Variants in TBC1D22A observed in about 807,000 individuals in gnomAD.
TBC1D22A encodes TBC1 domain family member 22A, also known as putative GTPase activator.
In TBC1D22A, 38 loss-of-function variants were observed where a neutral mutation model predicts 60.2. That is an observed-to-expected ratio of 0.63 (90% CI 0.49 to 0.83). The LOEUF (loss-of-function observed/expected upper bound fraction) is 0.83, where lower values mean the gene tolerates loss of function less well. Among genes scored for constraint, TBC1D22A ranks in the 40% least tolerant of loss-of-function variants. The pLI, the probability that TBC1D22A is intolerant of heterozygous loss-of-function variation, is 0.00. For synonymous variants in TBC1D22A, 302 were observed against 281.7 expected, an observed-to-expected ratio of 1.07 and a Z score of -0.72; for missense variants, 628 against 701.0, an observed-to-expected ratio of 0.90 and a Z score of 1.18.
chr22:46,801,599 G>A (rs2084899739), intron 4 of TBC1D22A, among the ~76,000 whole-genome samples: 1 of 152,266 alleles, frequency 6.6e-6, no homozygotes, highest in South Asian at 2.1e-4. Flanking sequence ...TGTATCTGGT[G>A]AATGGTAGTG....
At chr22:46,791,222 A>G (rs1046733460) in intron 1 of TBC1D22A, among the ~76,000 whole-genome samples, 1 of 152,052 alleles carries the variant, frequency 6.6e-6, no homozygotes, top group Non-Finnish European at 1.5e-5. Context: ...TGGTTTCGCC[A>G]TGTTGCCCAG....
chr22:47,118,510 G>A (rs190110370), intron 12 of TBC1D22A, among the ~76,000 whole-genome samples: 12 of 152,292 alleles, frequency 7.9e-5, no homozygotes, highest in African/African-American at 2.9e-4. Context: ...ATTCAAAGAT[G>A]CAATGCTTTT....
intron 4 of TBC1D22A, among the ~76,000 whole-genome samples, chr22:46,866,725 G>C (rs1030981852): frequency 1.3e-5 from 2 of 152,240 alleles, no homozygotes; most frequent in Non-Finnish European, 2.9e-5. Context: ...TCTTGCCCCA[G>C]AAAGACACTG....
At chr22:46,873,873 T>C (rs1205174580) in intron 4 of TBC1D22A, among the ~76,000 whole-genome samples, 1 of 152,014 alleles carries the variant, frequency 6.6e-6, no homozygotes, top group Non-Finnish European at 1.5e-5. Flanking sequence ...CTCAGCTCAC[T>C]ACAAGCTCCA....
chr22:46,773,742 G>T lies in TBC1D22A; in HGVS notation c.62+10894G>T, dbSNP rs546454734. 7.2e-5 allele frequency among the ~76,000 whole-genome samples: 11 copies of T among 152,302 alleles called. 1 individual carries two copies. The South Asian group carries it at 1.9e-3, about 26-fold the overall frequency. On this transcript the variant is annotated intron_variant, in intron 1 of 12. Transcript: ENST00000337137. ...CCACCTTGGCCTCCCAAAGTGCTGG[G>T]ATTACAGGTGTGAGCCACTGCACCC...
rs998174352 is a variant in TBC1D22A at position 47,174,045 on chromosome 22, T to G, written c.*419T>G. On this transcript the variant is annotated 3_prime_UTR_variant, in exon 13 of 13. Coordinates refer to ENST00000337137, the MANE Select transcript of TBC1D22A (RefSeq NM_014346.5). ...TCATACCTACTCTGAAATGCAAAACTTCTATTCTGTTGAGTGAAAGAATAA... is the reference window on the plus strand; with the variant it reads ...TCATACCTACTCTGAAATGCAAAACGTCTATTCTGTTGAGTGAAAGAATAA... 1 of 169,232 alleles carries G rather than the reference T, an allele frequency of 5.9e-6. No homozygotes were observed. The highest frequency in any genetic ancestry group is 2.4e-5 in the African/African-American group (1 of 41,838). 10.5% of individuals were successfully genotyped at this position (169,232 alleles called of 1,614,324 possible).
intron 4 of TBC1D22A, among the ~76,000 whole-genome samples, chr22:46,800,486 T>G (rs801592): frequency 0.72 from 109,908 of 152,004 alleles, 39,852 homozygotes; most frequent in Middle Eastern, 0.83. Flanking sequence ...GTGTGGAGAT[T>G]CAGAACCACG....
chr22:46,917,937 A>G (rs1233520703), intron 8 of TBC1D22A, among the ~76,000 whole-genome samples: 1 of 151,904 alleles, frequency 6.6e-6, no homozygotes, highest in Admixed American at 6.5e-5. Context: ...CGCCTTTGGG[A>G]TCTGTGAAGG....
chr22:47,018,284 G>A (rs1483200635), intron 10 of TBC1D22A, among the ~76,000 whole-genome samples: 3 of 152,246 alleles, frequency 2.0e-5, no homozygotes, highest in Non-Finnish European at 2.9e-5. Context: ...TGCTGGATGC[G>A]TGTGGATCTG....
At chr22:46,799,692 A>G (rs1318273864) in intron 4 of TBC1D22A, among the ~76,000 whole-genome samples, 1 of 152,086 alleles carries the variant, frequency 6.6e-6, no homozygotes, top group Non-Finnish European at 1.5e-5. Flanking sequence ...CCATCTTGAC[A>G]CTTTAGCAGA....
At chr22:47,148,042 C>G (rs1051467754) in intron 12 of TBC1D22A, among the ~76,000 whole-genome samples, 1 of 152,188 alleles carries the variant, frequency 6.6e-6, no homozygotes, top group African/African-American at 2.4e-5. Context: ...GCCCTTGATC[C>G]CAGAGGTGCC....
At chr22:47,092,148 G>A (rs937073675) in intron 11 of TBC1D22A, among the ~76,000 whole-genome samples, 2 of 152,186 alleles carry the variant, frequency 1.3e-5, no homozygotes, top group African/African-American at 4.8e-5. Flanking sequence ...GGCACGCTGT[G>A]TACCTGTGTC....
At chr22:46,780,738 G>T (rs1429521929) in intron 1 of TBC1D22A, among the ~76,000 whole-genome samples, 2 of 152,182 alleles carry the variant, frequency 1.3e-5, no homozygotes, top group African/African-American at 4.8e-5. Context: ...TCCAGGACCA[G>T]CCCGGGCCTG....
At chr22:46,803,267 C>T (rs2084976412) in intron 4 of TBC1D22A, among the ~76,000 whole-genome samples, 1 of 152,198 alleles carries the variant, frequency 6.6e-6, no homozygotes, top group African/African-American at 2.4e-5. Flanking sequence ...GGCTGCCCTC[C>T]AGCCCCACAG....
intron 11 of TBC1D22A, among the ~76,000 whole-genome samples, chr22:47,038,768 G>A (rs888681975): frequency 1.3e-5 from 2 of 152,162 alleles, no homozygotes; most frequent in African/African-American, 4.8e-5. Context: ...ATTATCACCA[G>A]TCAGCAGACT....
intron 4 of TBC1D22A, among the ~76,000 whole-genome samples, chr22:46,801,397 A>G (rs557407249): frequency 6.6e-6 from 1 of 152,380 alleles, no homozygotes; most frequent in South Asian, 2.1e-4. Flanking sequence ...AAATGAGTCT[A>G]CCTGCTGAAT....
intron 4 of TBC1D22A, among the ~76,000 whole-genome samples, chr22:46,801,632 C>G (rs527732489): frequency 1.3e-5 from 2 of 152,250 alleles, no homozygotes; most frequent in African/African-American, 4.8e-5. Context: ...ATGTAGAACA[C>G]GCAGTTTCCT....
intron 12 of TBC1D22A, among the ~76,000 whole-genome samples, chr22:47,143,376 C>G (rs1330094316): frequency 6.6e-6 from 1 of 152,160 alleles, no homozygotes; most frequent in African/African-American, 2.4e-5. Flanking sequence ...AAAAGGTGTC[C>G]CAATAGCAGA....
chr22:47,137,356 G>C (rs1820214906), intron 12 of TBC1D22A, among the ~76,000 whole-genome samples: 1 of 152,174 alleles, frequency 6.6e-6, no homozygotes, highest in South Asian at 2.1e-4. Flanking sequence ...GTGGGGTCCA[G>C]TCAGAGTGGA....
Sources: gnomAD v4.1 joint callset for allele counts (sites outside exome capture counted in the v4.1 genomes callset) on GRCh38, gnomAD v4.1.1 for gene constraint, MANE v1.5 for transcripts, NCBI Gene and HGNC (gene_info 2026-07-23, HGNC 2026-07-21) for gene names.